C13orf46: variants seen among roughly 807,000 people sequenced by gnomAD.
The protein encoded by C13orf46 is chromosome 13 open reading frame 46, also known as uncharacterized protein C13orf46.
the C13orf46 span, chr13:113,927,532 A>T: frequency 2.3e-5 from 9 of 398,652 alleles, no homozygotes; most frequent in African/African-American, 1.2e-4. Flanking sequence ...AGGTAGGGTC[A>T]GCCCAGTCCC....
the C13orf46 span, among the ~76,000 whole-genome samples, chr13:113,939,698 C>T: frequency 9.6e-3 from 1,457 of 152,300 alleles, 29 homozygotes; most frequent in African/African-American, 0.033. Context: ...GGCTGTCCAG[C>T]CCTGGAGATG....
At chr13:113,939,552 G>A in the C13orf46 span, among the ~76,000 whole-genome samples, 1 of 152,334 alleles carries the variant, frequency 6.6e-6, no homozygotes, top group African/African-American at 2.4e-5. Context: ...GGATGGGGAG[G>A]GCGGCACCAC....
chr13:113,951,488 C>T (rs996315344), downstream of C13orf46, among the ~76,000 whole-genome samples: 88 of 152,312 alleles, frequency 5.8e-4, no homozygotes, highest in African/African-American at 2.0e-3. Flanking sequence ...CCGCCACCAA[C>T]AGCACTGCCC....
downstream of C13orf46, among the ~76,000 whole-genome samples, chr13:113,949,678 G>A (rs2052481530): frequency 6.6e-6 from 1 of 152,226 alleles, no homozygotes; most frequent in Non-Finnish European, 1.5e-5. Flanking sequence ...CAGATGCCCC[G>A]ACAAGCTGTG....
the C13orf46 span, among the ~76,000 whole-genome samples, chr13:113,945,587 G>GAA: frequency 3.2e-5 from 4 of 126,196 alleles, no homozygotes; most frequent in South Asian, 1.0e-3. Flanking sequence ...GAGAGAGAGA[G>GAA]AGAGAGAAAG....
At chr13:113,960,984 G>A (rs1194611599) in intron 6 of C13orf46, among the ~76,000 whole-genome samples, 1 of 152,196 alleles carries the variant, frequency 6.6e-6, no homozygotes, top group Non-Finnish European at 1.5e-5. Flanking sequence ...AGCTTTAAAA[G>A]GGTTATGGTT....
the C13orf46 span, among the ~76,000 whole-genome samples, chr13:113,940,016 C>T: frequency 6.6e-6 from 1 of 152,336 alleles, no homozygotes; most frequent in East Asian, 1.9e-4. Flanking sequence ...GACCAGGATG[C>T]CCGGGTGGCA....
chr13:113,957,848 C>T (rs1314053286), intron 6 of C13orf46, among the ~76,000 whole-genome samples: 2 of 144,910 alleles, frequency 1.4e-5, no homozygotes, highest in Admixed American at 1.4e-4. Context: ...TATTCACCCC[C>T]TTTCATCAAG....
At chr13:113,969,917 G>A (rs988016934) in intron 2 of C13orf46, among the ~76,000 whole-genome samples, 3 of 152,080 alleles carry the variant, frequency 2.0e-5, no homozygotes, top group South Asian at 2.1e-4. Flanking sequence ...GCCAGGGCCC[G>A]AGTCCTGAGG....
intron 5 of C13orf46, among the ~76,000 whole-genome samples, chr13:113,966,732 GTGA>G (rs1161752332): frequency 1.3e-4 from 20 of 151,938 alleles, no homozygotes; most frequent in Admixed American, 2.0e-4. Context: ...GTTGCTGGTG[GTGA>G]TGATGATGAT....
At chr13:113,933,869 T>C in the C13orf46 span, among the ~76,000 whole-genome samples, 1 of 152,176 alleles carries the variant, frequency 6.6e-6, no homozygotes, top group South Asian at 2.1e-4. Context: ...AGGAAACTGA[T>C]ATGGGCACCA....
the C13orf46 span, among the ~76,000 whole-genome samples, chr13:113,945,623 AG>A: frequency 7.8e-6 from 1 of 128,912 alleles, no homozygotes; most frequent in Non-Finnish European, 1.7e-5. Flanking sequence ...AAAGAAAGAA[AG>A]AAAGAAAGAA....
chr13:113,953,358 G>A (rs939233780), downstream of C13orf46, among the ~76,000 whole-genome samples: 29 of 152,296 alleles, frequency 1.9e-4, no homozygotes, highest in African/African-American at 4.1e-4. Flanking sequence ...GGAGCAGCAC[G>A]TGGAACTTTA....
At chr13:113,959,310 G>A (rs1407070175) in intron 6 of C13orf46, among the ~76,000 whole-genome samples, 1 of 152,186 alleles carries the variant, frequency 6.6e-6, no homozygotes, top group Non-Finnish European at 1.5e-5. Context: ...AAATGGATGT[G>A]TGAGGCTGAT....
intron 5 of C13orf46, among the ~76,000 whole-genome samples, chr13:113,965,652 AATG>A (rs1210143571): frequency 6.6e-5 from 10 of 150,914 alleles, no homozygotes; most frequent in Non-Finnish European, 1.3e-4. Context: ...TGATTGTGAC[AATG>A]ATGATGGTGA....
At chr13:113,969,229 G>A (rs1410693709) in intron 2 of C13orf46, among the ~76,000 whole-genome samples, 2 of 152,246 alleles carry the variant, frequency 1.3e-5, no homozygotes, top group Non-Finnish European at 2.9e-5. Flanking sequence ...TGTGTGGCCA[G>A]GGGCAAGAGG....
the C13orf46 span, among the ~76,000 whole-genome samples, chr13:113,947,914 G>A: frequency 2.0e-5 from 3 of 152,292 alleles, no homozygotes; most frequent in East Asian, 1.9e-4. Context: ...GTGCTTTCCC[G>A]ACCCCTCCTC....
At chr13:113,968,224 C>T (rs1429182957) in intron 4 of C13orf46, among the ~76,000 whole-genome samples, 5 of 152,222 alleles carry the variant, frequency 3.3e-5, no homozygotes, top group Admixed American at 3.3e-4. Context: ...GGGCCTCATA[C>T]ACCTTTAGTG....
intron 6 of C13orf46, among the ~76,000 whole-genome samples, chr13:113,958,233 C>A: frequency 6.6e-6 from 1 of 152,172 alleles, no homozygotes; most frequent in Admixed American, 6.5e-5. Flanking sequence ...CCACATGCAC[C>A]CCCTTTCATC....
Sources: gnomAD v4.1 joint callset for allele counts (sites outside exome capture counted in the v4.1 genomes callset) on GRCh38, gnomAD v4.1.1 for gene constraint, MANE v1.5 for transcripts, NCBI Gene and HGNC (gene_info 2026-07-23, HGNC 2026-07-21) for gene names.